PCDHA3: variants seen among roughly 807,000 people sequenced by gnomAD.
The protein encoded by PCDHA3 is protocadherin alpha-3.
Under a neutral mutation model 62.2 loss-of-function variants are expected in PCDHA3, and 41 were observed. The observed-to-expected ratio is 0.66, with a 90% CI of 0.51 to 0.86. PCDHA3 has a LOEUF of 0.86. Ranked by LOEUF, PCDHA3 falls within the 40% of genes least tolerant of loss-of-function variation. The pLI is 0.00. For synonymous variants in PCDHA3, 640 were observed against 555.4 expected (o/e 1.15, Z -2.14); for missense variants, 1,304 against 1,241.2 (o/e 1.05, Z -0.76).
intron 1 of PCDHA3, among the ~76,000 whole-genome samples, chr5:140,903,175 A>G (rs1554190800): frequency 1.3e-5 from 2 of 152,170 alleles, no homozygotes; most frequent in Non-Finnish European, 2.9e-5. Context: ...TTACATTCCC[A>G]CCAATAGTAT....
intron 1 of PCDHA3, among the ~76,000 whole-genome samples, chr5:140,831,516 C>T (rs572603415): frequency 1.5e-5 from 2 of 130,466 alleles, no homozygotes; most frequent in African/African-American, 3.2e-5. Context: ...ACCATGCCCC[C>T]CACCTTTTTT....
intron 1 of PCDHA3, chr5:140,883,440 C>T (rs781949896): frequency 1.9e-6 from 3 of 1,614,152 alleles, no homozygotes; most frequent in Non-Finnish European, 2.5e-6. Flanking sequence ...ACCTTGACGC[C>T]GCATGTCCCC....
At chr5:140,989,444 T>C (rs2097342711) in intron 3 of PCDHA3, among the ~76,000 whole-genome samples, 1 of 152,130 alleles carries the variant, frequency 6.6e-6, no homozygotes, top group South Asian at 2.1e-4. Context: ...CTGAGGTTGT[T>C]TAGAATTGTT....
intron 1 of PCDHA3, among the ~76,000 whole-genome samples, chr5:140,846,921 G>T (rs1780756664): frequency 6.7e-6 from 1 of 149,554 alleles, no homozygotes. Context: ...TTTCCTATTT[G>T]AATTTTTGAA....
At chr5:140,922,107 T>C (rs1250364037) in intron 1 of PCDHA3, among the ~76,000 whole-genome samples, 1 of 152,028 alleles carries the variant, frequency 6.6e-6, no homozygotes, top group East Asian at 1.9e-4. Context: ...TATAGATAAA[T>C]GAAAATTCAC....
At chr5:140,809,384 G>C in intron 1 of PCDHA3, 1 of 1,614,062 alleles carries the variant, frequency 6.2e-7, no homozygotes, top group East Asian at 2.2e-5. Context: ...GGGCGCGTGC[G>C]CTCCGGGCAA....
In PCDHA3 at chr5:140,936,310, T is replaced by C. The variant is rs541948860; in HGVS notation, c.2395-42639T>C. 5.3e-5 allele frequency among the ~76,000 whole-genome samples: 8 copies of C among 152,318 alleles called. No individual in the cohort carries two copies. The South Asian group carries it at 1.4e-3, about 28-fold the overall frequency. ...TATAACATTGCTATCCAATAGAACT[T>C]TCTGACATGCTATAAATTTTCTCTA... On this transcript the variant is annotated intron_variant, in intron 1 of 3. Transcript: ENST00000522353.
At position 140,876,514 on chromosome 5, in the gene PCDHA3, C is replaced by T. The variant is rs782076196; in HGVS notation, c.2394+72923C>T. ...AGTTCTGGACGTGAATGACAATGTC[C>T]CTGAAGTAATGGTTACTTCACTGTC... On this transcript the variant is annotated intron_variant, in intron 1 of 3. Coordinates refer to ENST00000522353, the MANE Select transcript of PCDHA3 (RefSeq NM_018906.3). 2.5e-6 allele frequency: 4 copies of T among 1,614,026 alleles called. No homozygotes were observed. In the Admixed American group the frequency reaches 6.7e-5, roughly 27 times the overall value.
At chr5:140,836,560 C>T (rs2150264075) in intron 1 of PCDHA3, 2 of 1,613,740 alleles carry the variant, frequency 1.2e-6, no homozygotes, top group South Asian at 1.1e-5. Flanking sequence ...TGCTCAGCGC[C>T]GTCCTCTGAG....
At chr5:140,827,407 A>C (rs1402035341) in intron 1 of PCDHA3, among the ~76,000 whole-genome samples, 1 of 152,242 alleles carries the variant, frequency 6.6e-6, no homozygotes, top group African/African-American at 2.4e-5. Flanking sequence ...TGTGATAAAG[A>C]ATATGCTCTA....
chr5:140,918,703 A>G (rs2153549940), intron 1 of PCDHA3, among the ~76,000 whole-genome samples: 1 of 152,306 alleles, frequency 6.6e-6, no homozygotes, highest in Non-Finnish European at 1.5e-5. Context: ...TTAAGTCATG[A>G]GGGCAGAGCC....
At chr5:140,920,713 G>A (rs140720388) in intron 1 of PCDHA3, among the ~76,000 whole-genome samples, 41 of 152,140 alleles carry the variant, frequency 2.7e-4, no homozygotes, top group African/African-American at 9.6e-4. Context: ...GCATGGTGGT[G>A]TGCGCCTGCA....
At chr5:140,807,739 T>C (rs1764022393) in intron 1 of PCDHA3, 3 of 1,614,194 alleles carry the variant, frequency 1.9e-6, no homozygotes, top group South Asian at 1.1e-5. Flanking sequence ...AAAAACCACC[T>C]GATGACGAGC....
Position 140,801,988 on chromosome 5 carries a change from T to C in PCDHA3, c.791T>C (p.Val264Ala). ...NAPNGTLVVT[V>A]NATDLDEGVN... ...CCAAATGGTACCCTAGTGGTGACCG[T>C]TAACGCCACCGATTTGGATGAAGGA... Residue 264 changes from valine to alanine, a missense_variant, in exon 1 of 4, where the codon GTT (valine) becomes GCT (alanine). Physicochemically the swap from Val to Ala is moderately conservative, Grantham distance 64 (BLOSUM62 0). Coordinates refer to ENST00000522353, the MANE Select transcript of PCDHA3 (RefSeq NM_018906.3). The C allele has an allele frequency of 1.2e-6, 2 of 1,614,200 alleles. No individual in the cohort carries two copies. The highest frequency in any genetic ancestry group is 1.7e-6 in the Non-Finnish European group (2 of 1,180,046).
intron 1 of PCDHA3, chr5:140,860,340 C>G (rs981702671): frequency 6.6e-6 from 1 of 151,936 alleles, no homozygotes; most frequent in Admixed American, 6.6e-5. Context: ...ATGATTGTGC[C>G]ACTGCACTCC....
chr5:140,822,258 T>A (rs2150114937), intron 1 of PCDHA3: 42 of 1,614,142 alleles, frequency 2.6e-5, no homozygotes, highest in South Asian at 2.0e-4. Flanking sequence ...ATTTGGATAT[T>A]GGAGCAAATG....
In PCDHA3 at chr5:140,851,667, T is replaced by A. The variant is rs628871; in HGVS notation, c.2394+48076T>A. 6.8e-5 allele frequency: 62 copies of A among 912,304 alleles called. 4 individuals carry two copies. Among genetic ancestry groups the A allele is most frequent in the Non-Finnish European group, 7.9e-5 (59 of 749,702 alleles). 56.5% of individuals were successfully genotyped at this position (912,304 alleles called of 1,614,324 possible). A position where few individuals can be genotyped will look rare whatever the true frequency, so the allele number is the denominator to read the frequency against. ...TTCAAGAAGACATTCTCCTTTTAAT[T>A]GAAATTTTCTCCATTCAGTGATAAA... is the stretch of plus-strand genomic sequence containing the variant. On this transcript the variant is annotated intron_variant, in intron 1 of 3. Coordinates refer to ENST00000522353, the MANE Select transcript of PCDHA3 (RefSeq NM_018906.3).
chr5:140,997,610 C>A (rs1223241020), intron 3 of PCDHA3, among the ~76,000 whole-genome samples: 1 of 151,776 alleles, frequency 6.6e-6, no homozygotes, highest in Non-Finnish European at 1.5e-5. Flanking sequence ...GGGCGCATGA[C>A]TATATAGAGA....
chr5:140,924,132 T>C (rs1417924703), intron 1 of PCDHA3, among the ~76,000 whole-genome samples: 1 of 152,246 alleles, frequency 6.6e-6, no homozygotes, highest in East Asian at 1.9e-4. Flanking sequence ...TTAGCAGCAT[T>C]AATTTAAAAT....
Sources: gnomAD v4.1 joint callset for allele counts (sites outside exome capture counted in the v4.1 genomes callset) on GRCh38, gnomAD v4.1.1 for gene constraint, MANE v1.5 for transcripts, NCBI Gene and HGNC (gene_info 2026-07-23, HGNC 2026-07-21) for gene names.